Variants in RBFOX1 observed in about 807,000 individuals in gnomAD.
The protein encoded by RBFOX1 is RNA binding fox-1 homolog 1, also known as RNA binding protein fox-1 homolog 1.
In RBFOX1, 8 loss-of-function variants were observed where a neutral mutation model predicts 57.7. That is an observed-to-expected ratio of 0.14 (90% confidence interval 0.08 to 0.25). The LOEUF (loss-of-function observed/expected upper bound fraction) is 0.25, where lower values mean the gene tolerates loss of function less well. RBFOX1 is among the 10% of genes least tolerant of loss of function. The probability of loss-of-function intolerance (pLI) is 1.00; values close to 1 mark genes in which losing one functional copy is unlikely to be tolerated. For synonymous variants in RBFOX1, 326 were observed against 222.4 expected (o/e 1.47, Z -4.15); for missense variants, 611 against 548.5 (o/e 1.11, Z -1.14).
intron 1 of RBFOX1, among the ~76,000 whole-genome samples, chr16:6,045,855 C>T (rs973319065): frequency 1.3e-5 from 2 of 152,174 alleles, no homozygotes; most frequent in Non-Finnish European, 2.9e-5. Flanking sequence ...CACACACATA[C>T]ACAAAACCCC....
At chr16:5,548,291 G>C (rs2045318674) in intron 2 of RBFOX1, among the ~76,000 whole-genome samples, 1 of 149,238 alleles carries the variant, frequency 6.7e-6, no homozygotes, top group African/African-American at 2.5e-5. Flanking sequence ...TCACTGCCTG[G>C]GTGATGGGAT....
chr16:7,280,151 T>C (rs1398671424), intron 4 of RBFOX1, among the ~76,000 whole-genome samples: 1 of 152,200 alleles, frequency 6.6e-6, no homozygotes, highest in Non-Finnish European at 1.5e-5. Flanking sequence ...TCTTGGTTCT[T>C]TGCAAACGCA....
At chr16:5,805,043 T>C (rs1407805186) in intron 3 of RBFOX1, among the ~76,000 whole-genome samples, 1 of 151,876 alleles carries the variant, frequency 6.6e-6, no homozygotes, top group African/African-American at 2.4e-5. Context: ...AAAAATACAG[T>C]TTGGGGAGCA....
chr16:7,318,516 G>T (rs552421584), intron 4 of RBFOX1, among the ~76,000 whole-genome samples: 2 of 152,252 alleles, frequency 1.3e-5, no homozygotes, highest in East Asian at 3.9e-4. Flanking sequence ...ACCTTTCTTT[G>T]TTTTAATTGT....
chr16:5,473,338 A>T (rs140134554), intron 2 of RBFOX1, among the ~76,000 whole-genome samples: 17 of 152,282 alleles, frequency 1.1e-4, no homozygotes, highest in African/African-American at 3.9e-4. Flanking sequence ...TACTCCTGTT[A>T]CACTGTGATG....
intron 1 of RBFOX1, chr16:5,261,073 G>T (rs1401417856): frequency 1.3e-5 from 2 of 152,160 alleles, no homozygotes; most frequent in South Asian, 2.1e-4. Context: ...GGTAGTTAGG[G>T]AGGAAAATAA....
chr16:5,511,123 G>A (rs2043571497), intron 2 of RBFOX1, among the ~76,000 whole-genome samples: 1 of 152,180 alleles, frequency 6.6e-6, no homozygotes, highest in Non-Finnish European at 1.5e-5. Flanking sequence ...AAAGGAATTA[G>A]AAAGTTACAA....
At chr16:6,398,992 C>G (rs1306387326) in intron 2 of RBFOX1, among the ~76,000 whole-genome samples, 2 of 152,328 alleles carry the variant, frequency 1.3e-5, no homozygotes, top group Non-Finnish European at 1.5e-5. Context: ...CTGGGCATTT[C>G]CACACATCCT....
In RBFOX1 at chr16:5,908,091, TATATACACATATATATATACAC is replaced by T. The variant is rs1162608711; in HGVS notation, c.351+40762_351+40783del. ...GTATGTATATATATATATATACACA[TATATACACATATATATATACAC>T]ATATATACACATATATATATACACA... On this transcript the variant is annotated intron_variant, in intron 4 of 19. Coordinates refer to the RBFOX1 transcript ENST00000641259. Among the ~76,000 whole-genome samples the T allele has an allele frequency of 6.7e-4, 95 of 141,758 alleles. 4 individuals carry two copies. The highest frequency in any genetic ancestry group is 2.5e-3 in the African/African-American group (87 of 34,714). The allele number at this position is 141,758 out of a possible 152,430, so 93.0% of individuals were successfully genotyped here. A position where few individuals can be genotyped will look rare whatever the true frequency, so the allele number is the denominator to read the frequency against.
intron 4 of RBFOX1, among the ~76,000 whole-genome samples, chr16:7,497,087 G>T (rs894192050): frequency 6.6e-5 from 10 of 152,208 alleles, no homozygotes; most frequent in African/African-American, 2.2e-4. Flanking sequence ...TGGCCAGCGT[G>T]GTCTTTCTAA....
intron 3 of RBFOX1, among the ~76,000 whole-genome samples, chr16:5,863,312 G>C (rs962499536): frequency 6.6e-6 from 1 of 152,206 alleles, no homozygotes; most frequent in Non-Finnish European, 1.5e-5. Flanking sequence ...AGTTTCCCAC[G>C]TCCGTTTTGC....
At chr16:7,446,208 A>G (rs1269667513) in intron 4 of RBFOX1, among the ~76,000 whole-genome samples, 2 of 152,216 alleles carry the variant, frequency 1.3e-5, no homozygotes, top group African/African-American at 4.8e-5. Context: ...CCTGGTTATT[A>G]AAGTTGGCTC....
At chr16:5,561,950 CT>C (rs2045904541) in intron 2 of RBFOX1, among the ~76,000 whole-genome samples, 1 of 152,180 alleles carries the variant, frequency 6.6e-6, no homozygotes, top group Non-Finnish European at 1.5e-5. Context: ...CTCTTTTCCC[CT>C]GTCATCGGTT....
Position 6,072,229 on chromosome 16 carries a change from A to AC in RBFOX1, c.-127+52244dup, listed in dbSNP as rs370537228. Among the ~76,000 whole-genome samples, 320 of 151,918 alleles carry AC rather than the reference A, an allele frequency of 2.1e-3. 1 individual carries two copies. Among genetic ancestry groups the AC allele is most frequent in the African/African-American group, 7.2e-3 (297 of 41,434 alleles). On this transcript the variant is annotated intron_variant, in intron 1 of 15. Transcript: ENST00000550418. ...CAGAGAACAGCATGGGGTAAAACCC[A>AC]CCCCCCCATGATCCAATTACCTCCC...
intron 2 of RBFOX1, among the ~76,000 whole-genome samples, chr16:6,589,564 A>T (rs967374398): frequency 6.6e-6 from 1 of 152,206 alleles, no homozygotes; most frequent in African/African-American, 2.4e-5. Context: ...CACTGGTCTT[A>T]TATTTTACAA....
intron 3 of RBFOX1, among the ~76,000 whole-genome samples, chr16:6,931,721 C>G (rs1276804065): frequency 2.6e-5 from 4 of 152,192 alleles, no homozygotes; most frequent in African/African-American, 4.8e-5. Flanking sequence ...GTCTAACCCT[C>G]CCTGTTGCTT....
intron 2 of RBFOX1, among the ~76,000 whole-genome samples, chr16:6,319,106 T>G (rs1010219128): frequency 4.6e-5 from 7 of 152,124 alleles, no homozygotes; most frequent in African/African-American, 1.7e-4. Context: ...GGATGCATGC[T>G]GGTTGAGAAA....
At chr16:5,713,651 C>G (rs1408754253) in intron 3 of RBFOX1, among the ~76,000 whole-genome samples, 3 of 152,106 alleles carry the variant, frequency 2.0e-5, no homozygotes, top group Non-Finnish European at 4.4e-5. Context: ...GGAATGCTGC[C>G]CACACAGCAG....
chr16:6,006,099 G>A (rs1452876261), intron 4 of RBFOX1, among the ~76,000 whole-genome samples: 4 of 152,334 alleles, frequency 2.6e-5, no homozygotes, highest in Middle Eastern at 3.4e-3. Context: ...GATAAGTGGT[G>A]TGTTAACATT....
Sources: allele counts gnomAD v4.1 joint callset (sites outside exome capture counted in the v4.1 genomes callset), GRCh38; gene constraint gnomAD v4.1.1; transcripts MANE v1.5; gene names NCBI Gene and HGNC (gene_info 2026-07-23, HGNC 2026-07-21).